The following SLC12A2 variants were observed in gnomAD, a reference collection of about 807,000 sequenced individuals.
SLC12A2 encodes Na-K-2Cl cotransporter 1.
A neutral mutation model predicts 136.3 loss-of-function variants in SLC12A2; 67 were observed. The observed-to-expected ratio is 0.49, with a 90% CI of 0.40 to 0.60. The LOEUF (loss-of-function observed/expected upper bound fraction) is 0.60, where lower values mean the gene tolerates loss of function less well. Among genes scored for constraint, SLC12A2 ranks in the 20% least tolerant of loss-of-function variants. The pLI, the probability that SLC12A2 is intolerant of heterozygous loss-of-function variation, is 0.00. For synonymous variants in SLC12A2, 619 were observed against 562.9 expected (o/e 1.10, Z -1.41); for missense variants, 1,322 against 1,534.7 (o/e 0.86, Z 2.32).
chr5:128,177,164 T>C lies in SLC12A2; in HGVS notation c.2977+12T>C. On this transcript the variant is annotated intron_variant, in intron 21 of 26. Transcript: ENST00000262461. Reference sequence around the variant, plus strand: ...ACTGTTGAAAAAAGGCAGGCATTTTTCATCATTTTATTTTAAACCCTTTTT... The same window carrying C: ...ACTGTTGAAAAAAGGCAGGCATTTTCCATCATTTTATTTTAAACCCTTTTT... The C allele has an allele frequency of 6.3e-7, 1 of 1,587,992 alleles. No individual in the cohort carries two copies. Among genetic ancestry groups the C allele is most frequent in the East Asian group, 2.3e-5 (1 of 43,540 alleles).
chr5:128,180,664 T>C (rs996850975), intron 22 of SLC12A2, among the ~76,000 whole-genome samples: 1 of 152,228 alleles, frequency 6.6e-6, no homozygotes, highest in Non-Finnish European at 1.5e-5. Flanking sequence ...ACCAGGCCAC[T>C]ATCCCATTTG....
chr5:128,102,394 T>C (rs1303853124), intron 1 of SLC12A2, among the ~76,000 whole-genome samples: 1 of 152,046 alleles, frequency 6.6e-6, no homozygotes, highest in Non-Finnish European at 1.5e-5. Context: ...TGGTGATCAC[T>C]TCTTTGGGTA....
chr5:128,141,171 T>G (rs1239043357), intron 9 of SLC12A2, among the ~76,000 whole-genome samples: 1 of 152,170 alleles, frequency 6.6e-6, no homozygotes, highest in African/African-American at 2.4e-5. Context: ...AGGGAGGATT[T>G]TCAAATTAGC....
intron 1 of SLC12A2, among the ~76,000 whole-genome samples, chr5:128,092,028 C>T (rs1049262917): frequency 3.3e-5 from 5 of 152,034 alleles, no homozygotes; most frequent in Non-Finnish European, 5.9e-5. Context: ...TGCAAGGGAG[C>T]GTAGGTGGTT....
At chr5:128,161,865 TA>T in intron 17 of SLC12A2, 65 bp downstream of exon 17, 1 of 1,095,984 alleles carries the variant, frequency 9.1e-7, no homozygotes, top group Non-Finnish European at 1.2e-6. Context: ...TAAAACTTTT[TA>T]ATTCTAGATT....
intron 4 of SLC12A2, among the ~76,000 whole-genome samples, chr5:128,128,279 A>G (rs962511199): frequency 1.3e-5 from 2 of 152,120 alleles, no homozygotes; most frequent in Non-Finnish European, 2.9e-5. Context: ...TGGACATTTA[A>G]TAAGAATTAC....
intron 14 of SLC12A2, among the ~76,000 whole-genome samples, chr5:128,151,724 G>T (rs953460499): frequency 6.6e-6 from 1 of 151,908 alleles, no homozygotes; most frequent in Admixed American, 6.6e-5. Flanking sequence ...ATTATTTTTT[G>T]AAAGGATCCA....
At chr5:128,154,375 C>A (rs1762807653) in intron 15 of SLC12A2, among the ~76,000 whole-genome samples, 1 of 151,654 alleles carries the variant, frequency 6.6e-6, no homozygotes, top group Non-Finnish European at 1.5e-5. Context: ...CATGATTGTA[C>A]CACTACATGC....
intron 4 of SLC12A2, among the ~76,000 whole-genome samples, chr5:128,120,936 A>C (rs1395920690): frequency 2.0e-5 from 3 of 152,186 alleles, no homozygotes; most frequent in South Asian, 4.1e-4. Context: ...CTTGATTCTT[A>C]ACTGAATTAT....
intron 1 of SLC12A2, among the ~76,000 whole-genome samples, chr5:128,106,369 T>TA (rs1228925799): frequency 6.6e-6 from 1 of 152,164 alleles, no homozygotes; most frequent in African/African-American, 2.4e-5. Context: ...TTTTTATACT[T>TA]TTTTGTGTGT....
At chr5:128,087,434 T>C (rs989256975) in intron 1 of SLC12A2, among the ~76,000 whole-genome samples, 2 of 152,204 alleles carry the variant, frequency 1.3e-5, no homozygotes, top group African/African-American at 2.4e-5. Flanking sequence ...AAAGATAGAA[T>C]AGGACCTAAT....
chr5:128,140,757 G>C (rs1279260964), intron 9 of SLC12A2, among the ~76,000 whole-genome samples: 2 of 151,954 alleles, frequency 1.3e-5, no homozygotes, highest in South Asian at 4.1e-4. Context: ...TGAAAGTATA[G>C]TTACTTTAGG....
At chr5:128,148,955 C>A in intron 12 of SLC12A2, 78 bp downstream of exon 12, 1 of 1,217,984 alleles carries the variant, frequency 8.2e-7, no homozygotes, top group Non-Finnish European at 1.1e-6. Flanking sequence ...AAATTATTAA[C>A]AATGTTATCT....
chr5:128,114,917 A>G (rs1302078390), intron 4 of SLC12A2, among the ~76,000 whole-genome samples: 1 of 152,142 alleles, frequency 6.6e-6, no homozygotes, highest in African/African-American at 2.4e-5. Context: ...TGGAGCATCT[A>G]CTTTGGTCTC....
Position 128,084,263 on chromosome 5 carries a change from A to AGCG in SLC12A2, c.318_320dup (p.Ala107dup), listed in dbSNP as rs978857486. On this transcript the variant is annotated inframe_insertion, in exon 1 of 27. Transcript: ENST00000262461. This position sits in a 1 kb window ranked among gnomAD's most constrained non-coding sequence, Gnocchi z 5.6. ...CTGCGGCGGCGGCGGCGGCGGCGGC[A>AGCG]GCGGCGGCGGCTGGTGCTGGGGCGG... The AGCG allele has an allele frequency of 2.3e-5, 28 of 1,221,640 alleles. No individual in the cohort carries two copies. In the South Asian group the frequency reaches 4.2e-4, roughly 18 times the overall value. The allele number at this position is 1,221,640 out of a possible 1,614,324, so 75.7% of individuals were successfully genotyped here.
rs1429859940 is a variant in SLC12A2 at position 128,186,405 on chromosome 5, T to C, written c.3504-91T>C. ...TTATAGTAATTTACAGTAACTGTTA[T>C]TGTAATCTACTTTATAATTTTTGCT... On this transcript the variant is annotated intron_variant, in intron 26 of 26. Transcript: ENST00000262461. 8 of 1,245,760 alleles carry C rather than the reference T, an allele frequency of 6.4e-6. No individual in the cohort carries two copies. The East Asian group carries it at 9.3e-5, about 14-fold the overall frequency. The allele number at this position is 1,245,760 out of a possible 1,614,324, so 77.2% of individuals were successfully genotyped here.
At chr5:128,094,568 A>G (rs1760452999) in intron 1 of SLC12A2, among the ~76,000 whole-genome samples, 2 of 151,850 alleles carry the variant, frequency 1.3e-5, no homozygotes, top group Non-Finnish European at 2.9e-5. Context: ...TTTTTTAAAT[A>G]CTCATGACAA....
chr5:128,111,047 T>C (rs952959613), intron 1 of SLC12A2: 16 of 649,932 alleles, frequency 2.5e-5, no homozygotes, highest in South Asian at 2.4e-4. Flanking sequence ...GACTCTTAAC[T>C]AAAAAGAATT....
chr5:128,096,510 T>C (rs1365504368), intron 1 of SLC12A2, among the ~76,000 whole-genome samples: 1 of 152,090 alleles, frequency 6.6e-6, no homozygotes, highest in Non-Finnish European at 1.5e-5. Context: ...AAAATTAAAA[T>C]GTGAATTTGC....
Sources: allele counts gnomAD v4.1 joint callset (sites outside exome capture counted in the v4.1 genomes callset), GRCh38; gene constraint gnomAD v4.1.1; non-coding constraint Gnocchi (gnomAD v3.1); transcripts MANE v1.5; gene names NCBI Gene and HGNC (gene_info 2026-07-23, HGNC 2026-07-21).